Variants in LRRTM4 observed in about 807,000 individuals in gnomAD.
LRRTM4 encodes leucine-rich repeat transmembrane neuronal protein 4.
LRRTM4 carries 25 observed loss-of-function variants against 47.6 expected under a neutral mutation model. The ratio of observed to expected loss-of-function variants is 0.53; its 90% CI spans 0.38 to 0.73. The LOEUF (loss-of-function observed/expected upper bound fraction) is 0.73, where lower values mean the gene tolerates loss of function less well. LRRTM4 is among the 30% of genes least tolerant of loss of function. The probability of loss-of-function intolerance (pLI) is 0.00; values close to 1 mark genes in which losing one functional copy is unlikely to be tolerated. For missense variants in LRRTM4, 638 were observed against 713.4 expected (o/e 0.89, Z 1.20); for synonymous variants, 311 against 269.5 (o/e 1.15, Z -1.51).
chr2:77,147,782 T>C (rs907414704), intron 3 of LRRTM4, among the ~76,000 whole-genome samples: 1 of 152,174 alleles, frequency 6.6e-6, no homozygotes, highest in African/African-American at 2.4e-5. Flanking sequence ...TTGATATGAA[T>C]TGGGCTAATT....
intron 3 of LRRTM4, among the ~76,000 whole-genome samples, chr2:76,987,106 C>G (rs1676825142): frequency 6.6e-6 from 1 of 151,776 alleles, no homozygotes. Context: ...AATAACAATT[C>G]TTATTTATTT....
chr2:77,084,729 A>G lies in LRRTM4; in HGVS notation c.1552-335813T>C, dbSNP rs190293852. ...ATCATGAGATAGTTATAATAATGGG[A>G]CCTACTATTTCATAATATTGTCATA... is the stretch of plus-strand genomic sequence containing the variant. On this transcript the variant is annotated intron_variant, in intron 3 of 3. Transcript: ENST00000409884. Among the ~76,000 whole-genome samples the G allele has an allele frequency of 4.6e-5, 7 of 152,256 alleles. No individual in the cohort carries two copies. In the East Asian group the frequency reaches 1.4e-3, roughly 29 times the overall value.
intron 3 of LRRTM4, among the ~76,000 whole-genome samples, chr2:76,885,461 GCTTT>G (rs1432435072): frequency 6.9e-6 from 1 of 145,922 alleles, no homozygotes; most frequent in Non-Finnish European, 1.5e-5. Context: ...ACAAAAACAT[GCTTT>G]TTTTTTTTTT....
chr2:77,074,361 G>T (rs1011352818), intron 3 of LRRTM4, among the ~76,000 whole-genome samples: 1 of 152,050 alleles, frequency 6.6e-6, no homozygotes, highest in Non-Finnish European at 1.5e-5. Context: ...GCTTGGAAGT[G>T]AATTATTGTC....
At chr2:76,978,772 G>A (rs555757030) in intron 3 of LRRTM4, among the ~76,000 whole-genome samples, 5 of 152,138 alleles carry the variant, frequency 3.3e-5, no homozygotes, top group African/African-American at 9.6e-5. Context: ...TTTAGCAAAA[G>A]GTTAAATGGG....
chr2:77,175,964 G>T (rs1337654003), intron 3 of LRRTM4, among the ~76,000 whole-genome samples: 1 of 148,818 alleles, frequency 6.7e-6, no homozygotes, highest in Admixed American at 6.7e-5. Context: ...CGCTACTCCC[G>T]TCTTTTTTTT....
chr2:77,229,293 ACT>A (rs781779770), intron 3 of LRRTM4, among the ~76,000 whole-genome samples: 6 of 152,062 alleles, frequency 3.9e-5, no homozygotes, highest in Non-Finnish European at 8.8e-5. Context: ...ACCTGTAATC[ACT>A]GAGTAACAAC....
intron 3 of LRRTM4, among the ~76,000 whole-genome samples, chr2:77,362,100 G>GGAAAGAAAGAGAGAAAGAAAGAAA (rs1553434320): frequency 2.2e-4 from 13 of 58,654 alleles, no homozygotes; most frequent in African/African-American, 9.5e-4. Context: ...AAAAGGAAAA[G>GGAAAGAAAGAGAGAAAGAAAGAAA]GAAAGAAAGA....
At chr2:77,293,482 T>A (rs1031237725) in intron 3 of LRRTM4, among the ~76,000 whole-genome samples, 1 of 152,102 alleles carries the variant, frequency 6.6e-6, no homozygotes, top group Non-Finnish European at 1.5e-5. Context: ...AATAAAGATG[T>A]CTACTTTTTA....
At chr2:76,883,453 C>T (rs1672987059) in intron 3 of LRRTM4, among the ~76,000 whole-genome samples, 1 of 152,158 alleles carries the variant, frequency 6.6e-6, no homozygotes, top group Non-Finnish European at 1.5e-5. Flanking sequence ...CCTCTTTAGA[C>T]CTCAGAGGAA....
chr2:76,830,744 T>C (rs1314090411), intron 3 of LRRTM4, among the ~76,000 whole-genome samples: 4 of 151,956 alleles, frequency 2.6e-5, no homozygotes, highest in Non-Finnish European at 5.9e-5. Context: ...AAACAAGAAA[T>C]GGGGAGATTG....
intron 3 of LRRTM4, among the ~76,000 whole-genome samples, chr2:77,379,422 A>G (rs1427276149): frequency 2.0e-5 from 3 of 152,102 alleles, no homozygotes; most frequent in Non-Finnish European, 2.9e-5. Context: ...CTCTCCTCCA[A>G]TTATATCTGA....
chr2:77,033,759 C>T (rs574153933), intron 3 of LRRTM4, among the ~76,000 whole-genome samples: 49 of 151,732 alleles, frequency 3.2e-4, no homozygotes, highest in African/African-American at 1.0e-3. Flanking sequence ...TTGTTTTATG[C>T]TATATATGTG....
intron 3 of LRRTM4, among the ~76,000 whole-genome samples, chr2:76,968,340 GTATA>G (rs61103340): frequency 0.12 from 9,410 of 76,328 alleles, 557 homozygotes; most frequent in Admixed American, 0.16. Flanking sequence ...GTGTATGTGT[GTATA>G]TATATATATA....
chr2:77,102,534 T>G (rs1200517663), intron 3 of LRRTM4, among the ~76,000 whole-genome samples: 1 of 152,250 alleles, frequency 6.6e-6, no homozygotes, highest in African/African-American at 2.4e-5. Flanking sequence ...TGGGGGAATA[T>G]TCCCACGTAT....
chr2:76,851,755 G>GTTTTTTTTTTTTT (rs34184474), intron 3 of LRRTM4, among the ~76,000 whole-genome samples: 1 of 117,744 alleles, frequency 8.5e-6, no homozygotes, highest in African/African-American at 3.1e-5. Context: ...ACTTTTATTC[G>GTTTTTTTTTTTTT]TTTTTTTTTT....
chr2:77,100,609 A>G (rs1670928039), intron 3 of LRRTM4, among the ~76,000 whole-genome samples: 1 of 152,168 alleles, frequency 6.6e-6, no homozygotes, highest in African/African-American at 2.4e-5. Flanking sequence ...CAAGTAGAAC[A>G]ATGAAACCAA....
intron 3 of LRRTM4, among the ~76,000 whole-genome samples, chr2:77,511,950 T>G (rs79220896): frequency 0.16 from 24,557 of 152,104 alleles, 2,473 homozygotes; most frequent in Non-Finnish European, 0.23. Context: ...TTCATATATT[T>G]TTATTTGTAT....
At chr2:76,944,138 C>T (rs58411096) in intron 3 of LRRTM4, among the ~76,000 whole-genome samples, 4 of 152,066 alleles carry the variant, frequency 2.6e-5, no homozygotes, top group African/African-American at 9.7e-5. Flanking sequence ...TCTTCTTACT[C>T]TATTCTGGAT....
Sources: allele counts gnomAD v4.1 joint callset (sites outside exome capture counted in the v4.1 genomes callset), GRCh38; gene constraint gnomAD v4.1.1; transcripts MANE v1.5; gene names NCBI Gene and HGNC (gene_info 2026-07-23, HGNC 2026-07-21).